The following P2RY8 variants were observed in gnomAD, a reference collection of about 807,000 sequenced individuals.
P2RY8 encodes S-geranylgeranyl-glutathione receptor P2RY8.
A neutral mutation model predicts 10.0 loss-of-function variants in P2RY8; 6 were observed. That is an observed-to-expected ratio of 0.60 (90% CI 0.33 to 1.19). The LOEUF is 1.19. Among genes scored for constraint, P2RY8 ranks in the 50% most tolerant of loss-of-function variants. The pLI, the probability that P2RY8 is intolerant of heterozygous loss-of-function variation, is 0.04. For missense variants in P2RY8, 456 were observed against 542.0 expected, an observed-to-expected ratio of 0.84 and a Z score of 1.58; for synonymous variants, 276 against 252.5, an observed-to-expected ratio of 1.09 and a Z score of -0.88.
chrX:1,535,477 C>T (rs2092517253), intron 1 of P2RY8, among the ~76,000 whole-genome samples: 2 of 151,708 alleles, frequency 1.3e-5, no homozygotes, highest in African/African-American at 2.4e-5. Context: ...CGTCTGTCAC[C>T]GCCGTAAACA....
intron 1 of P2RY8, among the ~76,000 whole-genome samples, chrX:1,500,668 G>A (rs1488864698): frequency 1.4e-4 from 22 of 152,106 alleles, no homozygotes; most frequent in African/African-American, 4.8e-4. Flanking sequence ...GGCTGGTCTC[G>A]AACTCCTGAC....
chrX:1,505,298 A>G (rs2092221975), intron 1 of P2RY8, among the ~76,000 whole-genome samples: 1 of 152,172 alleles, frequency 6.6e-6, no homozygotes, highest in Non-Finnish European at 1.5e-5. Flanking sequence ...GCAGATCTTT[A>G]TCTTTCTGAG....
intron 1 of P2RY8, among the ~76,000 whole-genome samples, chrX:1,482,015 T>A (rs1334670538): frequency 6.6e-6 from 1 of 152,216 alleles, no homozygotes; most frequent in Admixed American, 6.5e-5. Context: ...TTGATCTGCG[T>A]CTTCTGCAAA....
At chrX:1,483,113 TTAAA>T (rs1196267876) in intron 1 of P2RY8, among the ~76,000 whole-genome samples, 127 of 152,284 alleles carry the variant, frequency 8.3e-4, no homozygotes, top group Non-Finnish European at 1.2e-3. Flanking sequence ...TTATTTTAAT[TTAAA>T]TAAATAAATA....
At chrX:1,474,556 GTGGATGGATGGATGGATGGATGGATGGA>G (rs768305692) in intron 1 of P2RY8, among the ~76,000 whole-genome samples, 1 of 86,966 alleles carries the variant, frequency 1.1e-5, no homozygotes. Flanking sequence ...GTATGGGTGT[GTGGATGGATGGATGGATGGATGGATGGA>G]TGGATGGATG....
intron 1 of P2RY8, among the ~76,000 whole-genome samples, chrX:1,506,190 G>A (rs1230683516): frequency 6.6e-6 from 1 of 151,606 alleles, no homozygotes; most frequent in Non-Finnish European, 1.5e-5. Flanking sequence ...ACGGGGTTTT[G>A]CCATGTTGGC....
At chrX:1,494,247 G>T (rs1344255184) in intron 1 of P2RY8, 1 of 152,296 alleles carries the variant, frequency 6.6e-6, no homozygotes, top group Non-Finnish European at 1.5e-5. Flanking sequence ...AGGAGCAGGA[G>T]TGGAGGGCCA....
intron 1 of P2RY8, among the ~76,000 whole-genome samples, chrX:1,473,241 A>ATGGG (rs1363669398): frequency 7.1e-6 from 1 of 141,712 alleles, no homozygotes; most frequent in Non-Finnish European, 1.5e-5. Context: ...GAGTAGGTAG[A>ATGGG]TGGGTGCGTG....
intron 1 of P2RY8, among the ~76,000 whole-genome samples, chrX:1,523,118 TAAAACAA>T (rs2092405227): frequency 6.7e-6 from 1 of 149,948 alleles, no homozygotes; most frequent in African/African-American, 2.5e-5. Flanking sequence ...AATAAATAAA[TAAAACAA>T]AAATTGAAAA....
At chrX:1,534,272 A>G (rs1423705238) in intron 1 of P2RY8, among the ~76,000 whole-genome samples, 17 of 144,842 alleles carry the variant, frequency 1.2e-4, no homozygotes, top group African/African-American at 4.1e-4. Flanking sequence ...TATATATGTA[A>G]TACATATATA....
At chrX:1,494,561 ATGTATGCGGGACCAT>A (rs1266481907) in intron 1 of P2RY8, among the ~76,000 whole-genome samples, 1 of 152,138 alleles carries the variant, frequency 6.6e-6, no homozygotes, top group East Asian at 1.9e-4. Context: ...TTTGGCCTCC[ATGTATGCGGGACCAT>A]TGCCTCAGAA....
intron 1 of P2RY8, among the ~76,000 whole-genome samples, chrX:1,484,746 A>G (rs1218648538): frequency 9.1e-6 from 1 of 110,360 alleles, no homozygotes; most frequent in African/African-American, 3.1e-5. Flanking sequence ...AAAAAAAAAA[A>G]AAGAAGAAGA....
At chrX:1,536,158 A>G (rs2092524698) in intron 1 of P2RY8, among the ~76,000 whole-genome samples, 1 of 152,154 alleles carries the variant, frequency 6.6e-6, no homozygotes, top group African/African-American at 2.4e-5. Flanking sequence ...CAAACATTGA[A>G]AAAACTGCAA....
intron 1 of P2RY8, among the ~76,000 whole-genome samples, chrX:1,530,157 G>T (rs1193265078): frequency 1.2e-3 from 49 of 42,560 alleles, no homozygotes; most frequent in African/African-American, 2.2e-3. Context: ...ATGTATGTAT[G>T]ATCTATCTAT....
chrX:1,521,034 C>CTTTTTTTTTTTTTTTTTT (rs1163534557), intron 1 of P2RY8, among the ~76,000 whole-genome samples: 1 of 61,042 alleles, frequency 1.6e-5, no homozygotes, highest in African/African-American at 4.7e-5. Context: ...TTTTTCTTTT[C>CTTTTTTTTTTTTTTTTTT]TTTTTTTTTT....
intron 1 of P2RY8, among the ~76,000 whole-genome samples, chrX:1,520,543 T>C (rs375187380): frequency 2.4e-4 from 36 of 151,606 alleles, no homozygotes; most frequent in African/African-American, 7.7e-4. Flanking sequence ...CCCAATAATC[T>C]CTCTGATCCC....
At chrX:1,471,083 C>T (rs757150728) in intron 1 of P2RY8, among the ~76,000 whole-genome samples, 57 of 151,214 alleles carry the variant, frequency 3.8e-4, no homozygotes, top group Admixed American at 1.3e-3. Context: ...TCTCGGCTCT[C>T]GGCAACCTCC....
chrX:1,463,895 G>A lies in P2RY8; in HGVS notation c.*1584C>T, dbSNP rs138576940. The A allele has an allele frequency of 0.01, 2,428 of 233,196 alleles. 19 individuals are homozygous for A. Among genetic ancestry groups the A allele is most frequent in the Middle Eastern group, 0.028 (22 of 786 alleles). The allele number at this position is 233,196 out of a possible 1,614,324, so 14.4% of individuals were successfully genotyped here. On this transcript the variant is annotated 3_prime_UTR_variant, in exon 2 of 2. Transcript: ENST00000381297. The stretch of plus-strand genomic sequence containing the variant: ...CCCATTGTAAATGCAGTATGGCCTC[G>A]CCTTACTTAATTACATTTGGAAAGA...
intron 1 of P2RY8, among the ~76,000 whole-genome samples, chrX:1,511,425 C>T (rs1433468205): frequency 2.0e-4 from 31 of 152,178 alleles, no homozygotes; most frequent in African/African-American, 2.4e-4. Flanking sequence ...TTTTCTTCTT[C>T]GAAATGTCTA....
Sources: allele counts gnomAD v4.1 joint callset (sites outside exome capture counted in the v4.1 genomes callset), GRCh38; gene constraint gnomAD v4.1.1; transcripts MANE v1.5; gene names NCBI Gene and HGNC (gene_info 2026-07-23, HGNC 2026-07-21).